The following BSG variants were observed in gnomAD, a reference collection of about 807,000 sequenced individuals.
The protein encoded by BSG is basigin.
A neutral mutation model predicts 43.1 loss-of-function variants in BSG; 37 were observed. The ratio of observed to expected loss-of-function variants is 0.86; its 90% CI spans 0.66 to 1.13. The LOEUF (loss-of-function observed/expected upper bound fraction) is 1.13. Among genes scored for constraint, BSG ranks in the 50% most tolerant of loss-of-function variants. The pLI is 0.00. For missense variants in BSG, 599 were observed against 554.2 expected (o/e 1.08, Z -0.81); for synonymous variants, 309 against 238.7 (o/e 1.29, Z -2.72).
rs1012831574 is a variant in BSG, at chr19:579,599, T to A, written c.515T>A (p.Leu172Gln). 1 of 1,612,562 alleles carries A rather than the reference T, an allele frequency of 6.2e-7. No homozygotes were observed. Among genetic ancestry groups the A allele is most frequent in the Non-Finnish European group, 8.5e-7 (1 of 1,179,860 alleles). The change falls in exon 3 of 9, where the codon CTG becomes CAG. Residue 172 changes from leucine to glutamine, a missense_variant. Leu to Gln is a moderately radical substitution (Grantham distance 113, BLOSUM62 -2). Transcript: ENST00000333511. ...ACAGAGGTCACAGGGCACCGCTGGC[T>A]GAAGGGGGGCGTGGTGCTGAAGGAG... ...SATEVTGHRW[L>Q]KGGVVLKEDA...
chr19:571,407 C>G, upstream of BSG: 2 of 678,496 alleles, frequency 2.9e-6, no homozygotes, highest in African/African-American at 1.8e-5. Flanking sequence ...GAGACGCCCC[C>G]ACCTGTGTCG....
At position 580,315 on chromosome 19, in the gene BSG, C is replaced by T. The variant is rs1405686511; in HGVS notation, c.573-64C>T. ...GTGCCGTGGTTGGGCCCCTGGAGAA[C>T]CCTGGGTCCTTGGAGGCGTCCTGCA... On this transcript the variant is annotated intron_variant, in intron 3 of 8. Coordinates refer to ENST00000333511, the MANE Select transcript of BSG (RefSeq NM_001728.4). The T allele has an allele frequency of 4.7e-6, 7 of 1,496,548 alleles. No individual in the cohort carries two copies. In the Admixed American group the frequency reaches 6.9e-5, roughly 15 times the overall value. The allele number at this position is 1,496,548 out of a possible 1,614,324, so 92.7% of individuals were successfully genotyped here.
upstream of BSG, chr19:571,320 T>G (rs28989769): frequency 0.066 from 39,111 of 590,174 alleles, 1,710 homozygotes; most frequent in Admixed American, 0.15. Context: ...AGTTAGCCCT[T>G]CGCGTTCGGC....
At position 581,594 on chromosome 19, in the gene BSG, G is replaced by GAGCCGT; in HGVS notation, c.1069+4_1069+9dup. The GAGCCGT allele has an allele frequency of 6.3e-7, 1 of 1,583,890 alleles. No homozygotes were observed. Among genetic ancestry groups the GAGCCGT allele is most frequent in the Non-Finnish European group, 8.6e-7 (1 of 1,167,900 alleles). On this transcript the variant is annotated splice_donor_region_variant and intron_variant, in intron 6 of 8. Transcript: ENST00000333511. Reference sequence around the variant, plus strand: ...GAAGCCCGAGGACGTCCTGGATGGTGAGCCGTCTGCCCTCCTGCCCACATG... The same window carrying GAGCCGT: ...GAAGCCCGAGGACGTCCTGGATGGTGAGCCGTAGCCGTCTGCCCTCCTGCCCACATG...
upstream of BSG, chr19:572,433 T>G: frequency 3.5e-6 from 4 of 1,139,534 alleles, no homozygotes; most frequent in South Asian, 1.3e-4. Context: ...TTCCGTAGCG[T>G]GAGCCTGCCG....
intron 3 of BSG, 151 bp downstream of exon 3, chr19:579,807 A>G (rs1982127593): frequency 2.4e-6 from 3 of 1,265,472 alleles, no homozygotes; most frequent in Admixed American, 2.9e-5. Flanking sequence ...CCCAGAGGGA[A>G]ACCCCAGGGA....
rs774363718 is a variant in BSG, at chr19:572,641, G to A, written c.7G>A (p.Ala3Thr). The change falls in exon 1 of 9, where the codon GCT becomes ACT. Residue 3 changes from alanine to threonine, a missense_variant. Physicochemically the swap from Ala to Thr is moderately conservative, Grantham distance 58. Coordinates refer to ENST00000333511, the MANE Select transcript of BSG (RefSeq NM_001728.4). ...CCGGCGAGGAATAGGAATCATGGCGGCTGCGCTGTTCGTGCTGCTGGGATT... is the reference window on the plus strand; with the variant it reads ...CCGGCGAGGAATAGGAATCATGGCGACTGCGCTGTTCGTGCTGCTGGGATT... MA[A>T]ALFVLLGFAL... 4 of 1,504,782 alleles carry A rather than the reference G, an allele frequency of 2.7e-6. No individual in the cohort carries two copies. The highest frequency in any genetic ancestry group is 1.3e-5 in the South Asian group (1 of 79,438). The allele number at this position is 1,504,782 out of a possible 1,614,324, so 93.2% of individuals were successfully genotyped here.
chr19:580,906 C>G, intron 5 of BSG, 124 bp downstream of exon 5: 1 of 713,034 alleles, frequency 1.4e-6, no homozygotes, highest in Non-Finnish European at 2.2e-6. Flanking sequence ...GGGTCCCGGA[C>G]CCAGCCCTCA....
At position 581,596 on chromosome 19, in the gene BSG, G is replaced by C; in HGVS notation, c.1069+5G>C. On this transcript the variant is annotated splice_donor_5th_base_variant and intron_variant, in intron 6 of 8. Coordinates refer to ENST00000333511, the MANE Select transcript of BSG (RefSeq NM_001728.4). The stretch of plus-strand genomic sequence containing the variant: ...AGCCCGAGGACGTCCTGGATGGTGA[G>C]CCGTCTGCCCTCCTGCCCACATGCC... 1 of 1,582,588 alleles carries C rather than the reference G, an allele frequency of 6.3e-7. No homozygotes were observed. The highest frequency in any genetic ancestry group is 8.6e-7 in the Non-Finnish European group (1 of 1,167,260).
chr19:582,009 G>A (rs1373399792), intron 6 of BSG, among the ~76,000 whole-genome samples: 1 of 152,264 alleles, frequency 6.6e-6, no homozygotes, highest in African/African-American at 2.4e-5. Flanking sequence ...CCGGGGCGAG[G>A]CCTGTGTGGG....
chr19:581,567 C>A lies in BSG; in HGVS notation c.1045C>A (p.Arg349=). The A allele has an allele frequency of 1.3e-6, 2 of 1,598,040 alleles. No homozygotes were observed. Among genetic ancestry groups the A allele is most frequent in the East Asian group, 2.3e-5 (1 of 44,112 alleles). ...CATCATCTTCATCTACGAGAAGCGC[C>A]GGAAGCCCGAGGACGTCCTGGATGG... ...VTIIFIYEKR[R]KPEDVLDDDD... Residue 349 remains arginine, a synonymous_variant, in exon 6 of 9, where the codon CGG becomes AGG. Transcript: ENST00000333511.
At position 572,710 on chromosome 19, in the gene BSG, CG is replaced by C; in HGVS notation, c.67+12del. On this transcript the variant is annotated intron_variant, in intron 1 of 8. Transcript: ENST00000333511. ...CGGAGCCTCCGGGGCTGGTGAGGAG[CG>C]GGTAGGGGGCGGGGGTGCGGTCCTG... is the stretch of plus-strand genomic sequence containing the variant. 1 of 1,469,088 alleles carries C rather than the reference CG, an allele frequency of 6.8e-7. No homozygotes were observed. Among genetic ancestry groups the C allele is most frequent in the Non-Finnish European group, 9.1e-7 (1 of 1,103,018 alleles). The allele number at this position is 1,469,088 out of a possible 1,614,324, so 91.0% of individuals were successfully genotyped here. A position where few individuals can be genotyped will look rare whatever the true frequency, so the allele number is the denominator to read the frequency against.
chr19:581,180 A>G, intron 5 of BSG, 135 bp from the exon 6 acceptor site: 1 of 965,148 alleles, frequency 1.0e-6, no homozygotes, highest in South Asian at 1.8e-5. Flanking sequence ...TGAGGGGCCT[A>G]GACTGGGGGT....
chr19:582,498 G>T lies in BSG; in HGVS notation c.1095-16G>T, dbSNP rs568153540. The T allele has an allele frequency of 3.7e-6, 6 of 1,606,362 alleles. No homozygotes were observed. The East Asian group carries it at 1.1e-4, about 30-fold the overall frequency. On this transcript the variant is annotated splice_polypyrimidine_tract_variant and intron_variant, in intron 7 of 8. Coordinates refer to ENST00000333511, the MANE Select transcript of BSG (RefSeq NM_001728.4). The stretch of plus-strand genomic sequence containing the variant: ...CTTGCGGGGGACACCCTCTCACCCG[G>T]CCCCTCGTGCCCCAGGAAGAGCAGC...
chr19:574,781 G>A (rs1981618089), intron 1 of BSG, among the ~76,000 whole-genome samples: 1 of 152,194 alleles, frequency 6.6e-6, no homozygotes, highest in Non-Finnish European at 1.5e-5. Context: ...GGTAACCAAA[G>A]TGGCCCTTTA....
Position 580,527 on chromosome 19 carries a change from C to A in BSG, c.655+66C>A, listed in dbSNP as rs796882752. 15 of 1,604,360 alleles carry A rather than the reference C, an allele frequency of 9.3e-6. No individual in the cohort carries two copies. The African/African-American group carries it at 1.9e-4, about 20-fold the overall frequency. ...CGGGAGAAGTTGTTGGCCTGAGGCA[C>A]CCGGCACATCCCAGAGCCCTGGCCC... On this transcript the variant is annotated intron_variant, in intron 4 of 8. Transcript: ENST00000333511.
upstream of BSG, chr19:572,498 G>C (rs999828463): frequency 8.3e-7 from 1 of 1,197,738 alleles, no homozygotes; most frequent in Non-Finnish European, 1.0e-6. Flanking sequence ...GGCGACCGGC[G>C]TCCCCGGCGC....
upstream of BSG, chr19:571,702 CG>C: frequency 1.4e-6 from 1 of 714,450 alleles, no homozygotes; most frequent in Non-Finnish European, 2.6e-6. Context: ...TTTACTTGTA[CG>C]GAAGGGGGCT....
At chr19:573,582 A>G (rs1157137838) in intron 1 of BSG, among the ~76,000 whole-genome samples, 1 of 152,082 alleles carries the variant, frequency 6.6e-6, no homozygotes, top group East Asian at 1.9e-4. Context: ...CCTGCGTGGA[A>G]GGGAAGGCGG....
Sources: gnomAD v4.1 joint callset for allele counts (sites outside exome capture counted in the v4.1 genomes callset) on GRCh38, gnomAD v4.1.1 for gene constraint, MANE v1.5 for transcripts, NCBI Gene and HGNC (gene_info 2026-07-23, HGNC 2026-07-21) for gene names.